ATP6V1H: variants seen among roughly 807,000 people sequenced by gnomAD.
ATP6V1H encodes ATPase H+ transporting V1 subunit H.
In ATP6V1H, 39 loss-of-function variants were observed where a neutral mutation model predicts 71.7. That is an observed-to-expected ratio of 0.54 (90% CI 0.42 to 0.71). ATP6V1H has a LOEUF of 0.71. ATP6V1H is among the 30% of genes least tolerant of loss of function. The pLI is 0.00. For synonymous variants in ATP6V1H, 192 were observed against 199.3 expected (o/e 0.96, Z 0.31); for missense variants, 509 against 594.9 (o/e 0.86, Z 1.50).
intron 13 of ATP6V1H, among the ~76,000 whole-genome samples, chr8:53,736,004 A>T (rs1202475093): frequency 2.0e-5 from 3 of 152,188 alleles, no homozygotes; most frequent in Admixed American, 1.3e-4. Flanking sequence ...TGCTCTAGTC[A>T]CACACCAGAA....
chr8:53,741,022 T>C (rs1233697911), intron 13 of ATP6V1H, among the ~76,000 whole-genome samples: 1 of 152,158 alleles, frequency 6.6e-6, no homozygotes, highest in African/African-American at 2.4e-5. Flanking sequence ...GAGATAATCG[T>C]AGTTAAAACA....
At position 53,765,614 on chromosome 8, in the gene ATP6V1H, T is replaced by C. The variant is rs184700897; in HGVS notation, c.1175+4004A>G. On this transcript the variant is annotated intron_variant, in intron 11 of 13. Coordinates refer to ENST00000359530, the MANE Select transcript of ATP6V1H (RefSeq NM_015941.4). ...CTATAAGAGGAAAACAAAAGCCAAA[T>C]GAAAGAAATCAAAGAAAATTGAAAC... 2.2e-3 allele frequency among the ~76,000 whole-genome samples: 331 copies of C among 151,596 alleles called. 2 individuals are homozygous for C. The highest frequency in any genetic ancestry group is 7.7e-3 in the African/African-American group (320 of 41,322).
intron 9 of ATP6V1H, among the ~76,000 whole-genome samples, chr8:53,794,719 T>C (rs937037050): frequency 5.9e-5 from 9 of 152,178 alleles, no homozygotes; most frequent in African/African-American, 2.2e-4. Context: ...CAAAAATGGT[T>C]AAAAGCACAG....
At chr8:53,824,766 T>C (rs1411536092) in intron 4 of ATP6V1H, among the ~76,000 whole-genome samples, 1 of 152,092 alleles carries the variant, frequency 6.6e-6, no homozygotes, top group African/African-American at 2.4e-5. Flanking sequence ...ATTATCTGTT[T>C]TATAACCCAT....
chr8:53,735,817 C>T (rs1016916573), intron 13 of ATP6V1H, among the ~76,000 whole-genome samples: 1 of 152,162 alleles, frequency 6.6e-6, no homozygotes, highest in African/African-American at 2.4e-5. Context: ...AAGATAGGCC[C>T]TATACTGTAA....
At chr8:53,753,095 T>C (rs1807859672) in intron 12 of ATP6V1H, among the ~76,000 whole-genome samples, 1 of 151,608 alleles carries the variant, frequency 6.6e-6, no homozygotes, top group Non-Finnish European at 1.5e-5. Flanking sequence ...TTTTTTTTTT[T>C]CTGAGAAGTT....
At chr8:53,748,913 T>C (rs180711248) in intron 12 of ATP6V1H, among the ~76,000 whole-genome samples, 81 of 152,356 alleles carry the variant, frequency 5.3e-4, no homozygotes, top group Non-Finnish European at 9.6e-4. Flanking sequence ...TATTTACACA[T>C]GCTGTGCTAG....
intron 3 of ATP6V1H, among the ~76,000 whole-genome samples, chr8:53,831,489 T>C (rs190164094): frequency 1.8e-3 from 280 of 152,342 alleles, no homozygotes; most frequent in African/African-American, 6.5e-3. Context: ...CATGACAGTA[T>C]AGAAGCAATC....
chr8:53,763,589 T>C (rs1808350703), intron 11 of ATP6V1H, among the ~76,000 whole-genome samples: 1 of 152,048 alleles, frequency 6.6e-6, no homozygotes, highest in African/African-American at 2.4e-5. Context: ...TCATATAAAA[T>C]GTTAAGGGAC....
At chr8:53,738,333 A>T (rs971149438) in intron 13 of ATP6V1H, among the ~76,000 whole-genome samples, 2 of 151,738 alleles carry the variant, frequency 1.3e-5, no homozygotes, top group East Asian at 3.9e-4. Context: ...GCACACACAC[A>T]CACAAAGCCC....
intron 8 of ATP6V1H, among the ~76,000 whole-genome samples, chr8:53,796,840 T>C (rs1007218671): frequency 1.3e-5 from 2 of 152,228 alleles, no homozygotes; most frequent in African/African-American, 2.4e-5. Flanking sequence ...TCTAATAATA[T>C]AAATGTTTAA....
chr8:53,775,522 T>C (rs1054812081), intron 9 of ATP6V1H, among the ~76,000 whole-genome samples: 3 of 152,014 alleles, frequency 2.0e-5, no homozygotes, highest in African/African-American at 7.3e-5. Context: ...CACGTCCCCA[T>C]CAGATTAGTT....
intron 4 of ATP6V1H, among the ~76,000 whole-genome samples, chr8:53,819,446 C>A (rs1463365806): frequency 5.4e-5 from 8 of 146,968 alleles, no homozygotes; most frequent in Non-Finnish European, 1.2e-4. Flanking sequence ...GCAGGAGAAT[C>A]GCTTGAACCT....
chr8:53,794,956 T>C (rs1398822600), intron 9 of ATP6V1H, among the ~76,000 whole-genome samples: 1 of 152,190 alleles, frequency 6.6e-6, no homozygotes, highest in Non-Finnish European at 1.5e-5. Flanking sequence ...TTACTAACCT[T>C]GAATAGCATT....
intron 12 of ATP6V1H, among the ~76,000 whole-genome samples, chr8:53,751,542 A>G (rs1807798764): frequency 6.6e-6 from 1 of 152,234 alleles, no homozygotes; most frequent in Non-Finnish European, 1.5e-5. Context: ...CTTTTTTTAA[A>G]TAAGAACTTG....
chr8:53,735,157 G>A (rs1230272289), intron 13 of ATP6V1H, among the ~76,000 whole-genome samples: 1 of 152,104 alleles, frequency 6.6e-6, no homozygotes, highest in Non-Finnish European at 1.5e-5. Context: ...TCTCCAGGTG[G>A]ACTTCACAGA....
intron 13 of ATP6V1H, among the ~76,000 whole-genome samples, chr8:53,719,023 T>C (rs1052119892): frequency 1.3e-5 from 2 of 152,202 alleles, no homozygotes; most frequent in Non-Finnish European, 2.9e-5. Context: ...AATTGTTGTT[T>C]GTTATGGCAT....
At chr8:53,791,621 C>T (rs749589380) in intron 9 of ATP6V1H, among the ~76,000 whole-genome samples, 3 of 152,190 alleles carry the variant, frequency 2.0e-5, no homozygotes, top group Non-Finnish European at 2.9e-5. Context: ...CTCTCCCCAC[C>T]GTTGCACTTC....
chr8:53,820,439 A>G, intron 4 of ATP6V1H, among the ~76,000 whole-genome samples: 1 of 151,932 alleles, frequency 6.6e-6, no homozygotes, highest in Admixed American at 6.5e-5. Context: ...CCCCACCAAA[A>G]GAAAGTCATC....
Sources: gnomAD v4.1 joint callset for allele counts (sites outside exome capture counted in the v4.1 genomes callset) on GRCh38, gnomAD v4.1.1 for gene constraint, MANE v1.5 for transcripts, NCBI Gene and HGNC (gene_info 2026-07-23, HGNC 2026-07-21) for gene names.